BMP7: variants seen among roughly 807,000 people sequenced by gnomAD.
BMP7 encodes the protein bone morphogenetic protein 7, also known as osteogenic protein 1.
A neutral mutation model predicts 41.2 loss-of-function variants in BMP7; 12 were observed. The observed-to-expected ratio is 0.29, with a 90% CI of 0.19 to 0.47. BMP7 has a LOEUF of 0.47. BMP7 is among the 20% of genes least tolerant of loss of function. The pLI is 0.99. For synonymous variants in BMP7, 248 were observed against 250.0 expected (o/e 0.99, Z 0.07); for missense variants, 467 against 606.0 (o/e 0.77, Z 2.41).
chr20:57,212,674 G>A (rs1445511499), intron 2 of BMP7, among the ~76,000 whole-genome samples: 5 of 152,248 alleles, frequency 3.3e-5, no homozygotes, highest in Admixed American at 3.3e-4. Context: ...AGGGAGCACA[G>A]GCTTGCGGCT....
chr20:57,228,183 C>T lies in BMP7; in HGVS notation c.611+46G>A. On this transcript the variant is annotated intron_variant, in intron 2 of 6. Transcript: ENST00000395863. This position sits in a 1 kb window ranked among gnomAD's most constrained non-coding sequence, Gnocchi z 4.5. Reference sequence around the variant, plus strand: ...CCCTCACCACCTTCTTCCTCTGCCCCCAGAGGAAACTCAGCACCTCTCCCA... The same window carrying T: ...CCCTCACCACCTTCTTCCTCTGCCCTCAGAGGAAACTCAGCACCTCTCCCA... 1 of 1,593,802 alleles carries T rather than the reference C, an allele frequency of 6.3e-7. No homozygotes were observed. Among genetic ancestry groups the T allele is most frequent in the Non-Finnish European group, 8.6e-7 (1 of 1,163,406 alleles).
chr20:57,197,772 C>T (rs111920296), intron 3 of BMP7, among the ~76,000 whole-genome samples: 69 of 152,324 alleles, frequency 4.5e-4, no homozygotes, highest in Middle Eastern at 3.4e-3. Flanking sequence ...CTACAGAATC[C>T]GTGATGGTAT....
chr20:57,183,363 T>G (rs1243749995), intron 4 of BMP7, among the ~76,000 whole-genome samples: 1 of 139,528 alleles, frequency 7.2e-6, no homozygotes, highest in African/African-American at 2.7e-5. Context: ...TCCCCATTTC[T>G]TCCTCCCCCT....
At chr20:57,246,198 T>A in intron 1 of BMP7, among the ~76,000 whole-genome samples, 1 of 152,184 alleles carries the variant, frequency 6.6e-6, no homozygotes, top group Non-Finnish European at 1.5e-5. Context: ...AAAACTCAAT[T>A]AGCAGTTTTA....
In BMP7 at chr20:57,170,903, G is replaced by C; in HGVS notation, c.*56C>G. 6.2e-7 allele frequency: 1 copy of C among 1,603,042 alleles called. No homozygotes were observed. Among genetic ancestry groups the C allele is most frequent in the South Asian group, 1.1e-5 (1 of 89,868 alleles). On this transcript the variant is annotated 3_prime_UTR_variant, in exon 7 of 7. Coordinates refer to ENST00000395863, the MANE Select transcript of BMP7 (RefSeq NM_001719.3). ...TGGTCTGCTGGTTCCTGGCCAAGGC[G>C]AGCAATGGAGGATCCAGAAAAACTT...
chr20:57,191,311 G>A (rs979744083), intron 3 of BMP7, among the ~76,000 whole-genome samples: 10 of 152,184 alleles, frequency 6.6e-5, no homozygotes, highest in African/African-American at 2.2e-4. Flanking sequence ...CAAGACAGGC[G>A]CAGGCTCTGG....
chr20:57,223,468 A>T (rs1393754628), intron 2 of BMP7, among the ~76,000 whole-genome samples: 1 of 152,168 alleles, frequency 6.6e-6, no homozygotes, highest in Non-Finnish European at 1.5e-5. Flanking sequence ...CAATGGACCC[A>T]TCTGAGCCCC....
chr20:57,234,694 C>A (rs886444348), intron 1 of BMP7, among the ~76,000 whole-genome samples: 1 of 152,204 alleles, frequency 6.6e-6, no homozygotes, highest in Admixed American at 6.5e-5. Context: ...ACCATGAAAA[C>A]CGCTTTCTTC....
At position 57,181,381 on chromosome 20, in the gene BMP7, A is replaced by C. The variant is rs140795948; in HGVS notation, c.958+2341T>G. 2.0e-3 allele frequency among the ~76,000 whole-genome samples: 309 copies of C among 152,110 alleles called. 2 individuals carry two copies. The highest frequency in any genetic ancestry group is 5.2e-3 in the African/African-American group (217 of 41,502). On this transcript the variant is annotated intron_variant, in intron 4 of 6. Transcript: ENST00000395863. The stretch of plus-strand genomic sequence containing the variant: ...TGTGGTGGCATCCATCTATAGTCCC[A>C]GCTACCTGGGAGGCTCAGGCAGGAG...
At chr20:57,182,701 A>G (rs971970501) in intron 4 of BMP7, among the ~76,000 whole-genome samples, 2 of 152,264 alleles carry the variant, frequency 1.3e-5, no homozygotes, top group Non-Finnish European at 2.9e-5. Flanking sequence ...GTGGGAGGCC[A>G]TCTACCTCAG....
At chr20:57,225,754 G>A (rs1325695811) in intron 2 of BMP7, 4 of 328,806 alleles carry the variant, frequency 1.2e-5, no homozygotes, top group Non-Finnish European at 2.6e-5. Flanking sequence ...AGGCTTTGCT[G>A]CAGGAGGCAC....
At chr20:57,222,832 CCAGAGG>C (rs1292683836) in intron 2 of BMP7, among the ~76,000 whole-genome samples, 4 of 89,646 alleles carry the variant, frequency 4.5e-5, no homozygotes, top group Admixed American at 1.1e-4. Context: ...GCAAGAAACT[CCAGAGG>C]CTTCTGGAAG....
chr20:57,237,068 G>C (rs1256266255), intron 1 of BMP7, among the ~76,000 whole-genome samples: 1 of 152,180 alleles, frequency 6.6e-6, no homozygotes, highest in Non-Finnish European at 1.5e-5. Flanking sequence ...TGAGCAAAGG[G>C]ATGCTTTCCA....
rs1479705186 is a variant in BMP7, at chr20:57,170,380, G to C, written c.*579C>G. 1 of 185,310 alleles carries C rather than the reference G, an allele frequency of 5.4e-6. No individual in the cohort carries two copies. Among genetic ancestry groups the C allele is most frequent in the Non-Finnish European group, 1.1e-5 (1 of 87,114 alleles). 11.5% of individuals were successfully genotyped at this position (185,310 alleles called of 1,614,324 possible). On this transcript the variant is annotated 3_prime_UTR_variant, in exon 7 of 7. Transcript: ENST00000395863. The stretch of plus-strand genomic sequence containing the variant: ...CAAGCCTCAGGATGAAAACTGTAGG[G>C]AATGGAGAGGGACCTCCCCGCCCTC...
At chr20:57,218,404 G>GTGGTAGC (rs1985084183) in intron 2 of BMP7, among the ~76,000 whole-genome samples, 1 of 151,922 alleles carries the variant, frequency 6.6e-6, no homozygotes, top group Non-Finnish European at 1.5e-5. Context: ...CTGGTGTTTG[G>GTGGTAGC]TGGTAGCTGG....
At chr20:57,254,947 C>G (rs936634379) in intron 1 of BMP7, among the ~76,000 whole-genome samples, 3 of 152,134 alleles carry the variant, frequency 2.0e-5, no homozygotes, top group African/African-American at 7.2e-5. Flanking sequence ...TAGGTGCCCC[C>G]CACAGGCACT....
At chr20:57,226,516 C>T (rs549487179) in intron 2 of BMP7, among the ~76,000 whole-genome samples, 23 of 152,202 alleles carry the variant, frequency 1.5e-4, no homozygotes, top group Non-Finnish European at 2.5e-4. Context: ...AGCGTGCACA[C>T]GTGAAACACA....
At chr20:57,191,917 TTATA>T (rs1600733815) in intron 3 of BMP7, among the ~76,000 whole-genome samples, 1 of 132,126 alleles carries the variant, frequency 7.6e-6, no homozygotes, top group Admixed American at 8.1e-5. Flanking sequence ...ATACTATATA[TTATA>T]TATTTTCTAT....
intron 4 of BMP7, among the ~76,000 whole-genome samples, chr20:57,181,482 T>G (rs1251943866): frequency 1.5e-5 from 2 of 137,862 alleles, no homozygotes; most frequent in Non-Finnish European, 3.1e-5. Context: ...GGCAATGGCG[T>G]GAGACCCTGT....
Sources: gnomAD v4.1 joint callset for allele counts (sites outside exome capture counted in the v4.1 genomes callset) on GRCh38, gnomAD v4.1.1 for gene constraint, Gnocchi (gnomAD v3.1) non-coding constraint, MANE v1.5 for transcripts, NCBI Gene and HGNC (gene_info 2026-07-23, HGNC 2026-07-21) for gene names.